Variants in BZW2 observed in about 807,000 individuals in gnomAD.
BZW2 encodes eIF5-mimic protein 1.
Under a neutral mutation model 53.2 loss-of-function variants are expected in BZW2, and 23 were observed. The ratio of observed to expected loss-of-function variants is 0.43; its 90% CI spans 0.31 to 0.61. BZW2 has a LOEUF of 0.61. Ranked by LOEUF, BZW2 falls within the 20% of genes least tolerant of loss-of-function variation. BZW2 has a pLI of 0.09. For synonymous variants in BZW2, 227 were observed against 186.4 expected (o/e 1.22, Z -1.77); for missense variants, 409 against 503.1 (o/e 0.81, Z 1.79).
At chr7:16,681,497 T>C in intron 4 of BZW2, 93 bp downstream of exon 4, 1 of 1,018,052 alleles carries the variant, frequency 9.8e-7, no homozygotes, top group East Asian at 2.5e-5. Context: ...AATAGGAATC[T>C]TAGAAAGCCT....
chr7:16,676,195 C>A (rs1157443251), intron 3 of BZW2, among the ~76,000 whole-genome samples: 3 of 152,200 alleles, frequency 2.0e-5, no homozygotes, highest in African/African-American at 7.2e-5. Flanking sequence ...TGCTGCCTTG[C>A]ACACCCATCA....
chr7:16,672,929 T>C (rs1002725141), intron 2 of BZW2, among the ~76,000 whole-genome samples: 3 of 151,006 alleles, frequency 2.0e-5, no homozygotes, highest in African/African-American at 7.4e-5. Flanking sequence ...TTGTGATTGC[T>C]CTGTGTTTGT....
At chr7:16,697,384 C>G (rs769941549) in intron 9 of BZW2, among the ~76,000 whole-genome samples, 5 of 152,192 alleles carry the variant, frequency 3.3e-5, no homozygotes, top group African/African-American at 9.7e-5. Flanking sequence ...GCCACCACGC[C>G]GGGCCCAAAT....
intron 4 of BZW2, among the ~76,000 whole-genome samples, chr7:16,681,755 C>G (rs530971339): frequency 6.6e-6 from 1 of 152,262 alleles, no homozygotes; most frequent in South Asian, 2.1e-4. Flanking sequence ...TCACTTGAAC[C>G]CAGAAGGCGG....
chr7:16,669,393 G>T (rs1782533096), intron 2 of BZW2, among the ~76,000 whole-genome samples: 1 of 152,224 alleles, frequency 6.6e-6, no homozygotes, highest in Non-Finnish European at 1.5e-5. Context: ...CTCCCAAAGT[G>T]CTGGGATTAC....
At chr7:16,686,103 T>C in intron 6 of BZW2, 63 bp downstream of exon 6, 1 of 1,587,990 alleles carries the variant, frequency 6.3e-7, no homozygotes, top group Non-Finnish European at 8.6e-7. Flanking sequence ...CACAGATAGT[T>C]AGAAAAATGC....
In BZW2 at chr7:16,704,663, G is replaced by C; in HGVS notation, c.1225G>C (p.Glu409Gln). 1.3e-6 allele frequency: 2 copies of C among 1,580,510 alleles called. No homozygotes were observed. Residue 409 changes from glutamate (E) to glutamine (Q), a missense_variant, in exon 11 of 12, where the codon GAA (glutamate) becomes CAA (glutamine). This residue lies in a region of BZW2 where 88 missense variants were observed against 114.6 expected (regional missense o/e 0.77). Coordinates refer to ENST00000258761, the MANE Select transcript of BZW2 (RefSeq NM_014038.3). ...ATTTGTTGAGTGGTTACAAAATGCA[G>C]AAGAAGGTATGATTCTGTTTACAAA... Reference protein sequence around the residue: ...KKFVEWLQNAEEESESEGEEN With the variant: ...KKFVEWLQNAQEESESEGEEN
intron 8 of BZW2, 29 bp from the exon 9 acceptor site, chr7:16,696,886 C>T: frequency 6.2e-7 from 1 of 1,613,172 alleles, no homozygotes. Flanking sequence ...CTGCCTGTTA[C>T]TTTCTGACCC....
chr7:16,672,407 A>C (rs1337771103), intron 2 of BZW2, among the ~76,000 whole-genome samples: 1 of 151,786 alleles, frequency 6.6e-6, no homozygotes, highest in African/African-American at 2.4e-5. Flanking sequence ...TAATGCTTCC[A>C]TTGAGTTTTT....
At chr7:16,686,529 T>C (rs115502537) in intron 6 of BZW2, 3,834 of 158,770 alleles carry the variant, frequency 0.024, 74 homozygotes, top group African/African-American at 0.055. Context: ...TTAGAAGGAG[T>C]CTTGTTTTAA....
In BZW2 at chr7:16,680,715, G is replaced by A. The variant is rs372953179; in HGVS notation, c.236-586G>A. 2.8e-4 allele frequency among the ~76,000 whole-genome samples: 43 copies of A among 152,254 alleles called. No individual in the cohort carries two copies. In the South Asian group the frequency reaches 7.7e-3, roughly 27 times the overall value. The stretch of plus-strand genomic sequence containing the variant: ...CTAGCTACTTGGGAGGCTGAGGCAG[G>A]AGGATCACTTGAGCACCCTGGAGGT... On this transcript the variant is annotated intron_variant, in intron 3 of 11. Transcript: ENST00000258761.
At chr7:16,682,736 G>A in intron 4 of BZW2, 44 bp from the exon 5 acceptor site, 1 of 1,295,684 alleles carries the variant, frequency 7.7e-7, no homozygotes, top group Middle Eastern at 2.0e-4. Context: ...CTACTTCTGT[G>A]TCTTTTTGGT....
At chr7:16,678,219 G>C (rs904197826) in intron 3 of BZW2, among the ~76,000 whole-genome samples, 15 of 147,774 alleles carry the variant, frequency 1.0e-4, no homozygotes, top group African/African-American at 3.5e-4. Flanking sequence ...GGCACACCCA[G>C]CTAATTTTGT....
At chr7:16,702,031 T>C (rs1049178735) in intron 10 of BZW2, among the ~76,000 whole-genome samples, 4 of 152,178 alleles carry the variant, frequency 2.6e-5, no homozygotes, top group African/African-American at 9.7e-5. Context: ...GGAAAACATA[T>C]ATTCCAGTCT....
chr7:16,674,582 A>G lies in BZW2; in HGVS notation c.229A>G (p.Met77Val). 3.1e-6 allele frequency: 5 copies of G among 1,596,484 alleles called. No individual in the cohort carries two copies. Among genetic ancestry groups the G allele is most frequent in the Non-Finnish European group, 3.4e-6 (4 of 1,170,734 alleles). The stretch of plus-strand genomic sequence containing the variant: ...CTTCGATATCCTGGTGGCTGGCAGT[A>G]TGCTTGGTAAACCATGCATTATCGC... ...TLFDILVAGS[M>V]LAPGGTRIDD... The change falls in exon 3 of 12, where the codon ATG becomes GTG. Residue 77 changes from methionine to valine, a missense_variant. Physicochemically the swap from Met to Val is conservative, Grantham distance 21. Around this residue, in one of 3 missense-constraint regions of BZW2, gnomAD observed 316 missense variants for 366.8 expected, o/e 0.86. Coordinates refer to ENST00000258761, the MANE Select transcript of BZW2 (RefSeq NM_014038.3).
At chr7:16,672,930 C>A (rs1273465834) in intron 2 of BZW2, among the ~76,000 whole-genome samples, 1 of 150,906 alleles carries the variant, frequency 6.6e-6, no homozygotes, top group Non-Finnish European at 1.5e-5. Context: ...TGTGATTGCT[C>A]TGTGTTTGTC....
chr7:16,665,484 T>A lies in BZW2; in HGVS notation c.41T>A (p.Phe14Tyr), dbSNP rs1315002426. 1 of 1,613,902 alleles carries A rather than the reference T, an allele frequency of 6.2e-7. No homozygotes were observed. Among genetic ancestry groups the A allele is most frequent in the Admixed American group, 1.7e-5 (1 of 59,978 alleles). Residue 14 changes from phenylalanine to tyrosine, a missense_variant, in exon 2 of 12, where the codon TTC becomes TAC. By Grantham distance (22) the Phe-to-Tyr change is conservative. This residue lies in a region of BZW2 where 316 missense variants were observed against 366.8 expected (regional missense o/e 0.86). Transcript: ENST00000258761. ...AAGCCAGTGCTAACAGGCCAGCGGT[T>A]CAAAACTCGGAAAAGGGGTAGGTTG... ...HQKPVLTGQR[F>Y]KTRKRDEKEK...
intron 6 of BZW2, 153 bp downstream of exon 6, chr7:16,686,193 A>G: frequency 1.6e-6 from 2 of 1,225,002 alleles, no homozygotes; most frequent in Non-Finnish European, 1.1e-6. Context: ...TTGCCTTTCA[A>G]ATAATAAAAG....
chr7:16,704,053 A>G (rs998990043), intron 10 of BZW2, among the ~76,000 whole-genome samples: 1 of 152,168 alleles, frequency 6.6e-6, no homozygotes, highest in African/African-American at 2.4e-5. Context: ...TCTAATTGCT[A>G]ACATCATTAT....
Sources: gnomAD v4.1 joint callset for allele counts (sites outside exome capture counted in the v4.1 genomes callset) on GRCh38, gnomAD v4.1.1 for gene constraint, gnomAD v4.1.1 regional missense constraint, MANE v1.5 for transcripts, NCBI Gene and HGNC (gene_info 2026-07-23, HGNC 2026-07-21) for gene names.